PIEZO2: variants seen among roughly 807,000 people sequenced by gnomAD.
The protein encoded by PIEZO2 is piezo-type mechanosensitive ion channel component 2.
In PIEZO2, 172 loss-of-function variants were observed where a neutral mutation model predicts 337.3. The ratio of observed to expected loss-of-function variants is 0.51; its 90% CI spans 0.45 to 0.58. PIEZO2 has a LOEUF of 0.58. PIEZO2 is among the 20% of genes least tolerant of loss of function. The pLI is 0.00. For synonymous variants in PIEZO2, 1,251 were observed against 1,228.5 expected, an observed-to-expected ratio of 1.02 and a Z score of -0.38; for missense variants, 3,028 against 3,391.3, an observed-to-expected ratio of 0.89 and a Z score of 2.66.
chr18:10,975,707 G>A (rs1282597811), intron 3 of PIEZO2, among the ~76,000 whole-genome samples: 2 of 152,132 alleles, frequency 1.3e-5, no homozygotes, highest in East Asian at 1.9e-4. Flanking sequence ...AAGAGATGCC[G>A]GGACCTTTTG....
At chr18:11,145,147 G>A (rs2040775510) in intron 1 of PIEZO2, among the ~76,000 whole-genome samples, 2 of 152,152 alleles carry the variant, frequency 1.3e-5, no homozygotes, top group South Asian at 4.1e-4. Flanking sequence ...AGATGACTTA[G>A]CAACTAGTCA....
At chr18:10,951,385 AT>A (rs1415826218) in intron 3 of PIEZO2, among the ~76,000 whole-genome samples, 2 of 152,198 alleles carry the variant, frequency 1.3e-5, no homozygotes, top group African/African-American at 4.8e-5. Context: ...TCATCTCTAC[AT>A]ATTTTATTTA....
At position 11,089,923 on chromosome 18, in the gene PIEZO2, T is replaced by C. The variant is rs934458728; in HGVS notation, c.65-23701A>G. Among the ~76,000 whole-genome samples, 5 of 152,202 alleles carry C rather than the reference T, an allele frequency of 3.3e-5. No individual in the cohort carries two copies. The South Asian group carries it at 1.0e-3, about 32-fold the overall frequency. On this transcript the variant is annotated intron_variant, in intron 1 of 55. Coordinates refer to ENST00000674853, the MANE Select transcript of PIEZO2 (RefSeq NM_001378183.1). The stretch of plus-strand genomic sequence containing the variant: ...TTCGAGGCCTATGAAGAGAACCGAT[T>C]GATCTCACGAGTTTCTAATTCCTCT...
intron 10 of PIEZO2, 99 bp from the exon 11 acceptor site, chr18:10,800,574 G>T: frequency 3.8e-6 from 5 of 1,319,206 alleles, no homozygotes; most frequent in Non-Finnish European, 5.0e-6. Context: ...ACTGAACAGT[G>T]AGGAGTTGAT....
rs1056366080 is a variant in PIEZO2 at position 11,080,701 on chromosome 18, G to A, written c.65-14479C>T. On this transcript the variant is annotated intron_variant, in intron 1 of 55. Transcript: ENST00000674853. The surrounding 1 kb of genome is among the most constrained non-coding windows in gnomAD (Gnocchi z 5.4). ...TCTACTAAAAATACAAAAATTAGCC[G>A]GGTGTGGTGGCATGTGCCTGTAGTC... 6.6e-6 allele frequency among the ~76,000 whole-genome samples: 1 copy of A among 152,216 alleles called. No homozygotes were observed. The highest frequency in any genetic ancestry group is 6.5e-5 in the Admixed American group (1 of 15,296).
At chr18:10,779,152 C>T (rs1425568074) in intron 18 of PIEZO2, among the ~76,000 whole-genome samples, 1 of 152,192 alleles carries the variant, frequency 6.6e-6, no homozygotes, top group Non-Finnish European at 1.5e-5. Context: ...CCTCAGCAAT[C>T]CACAAGTGAC....
rs1200814977 is a variant in PIEZO2, at chr18:10,702,076, G to A, written c.6354C>T (p.Asn2118=). The change falls in exon 43 of 56, where the codon AAC becomes AAT. Residue 2118 remains asparagine, a synonymous_variant. Coordinates refer to ENST00000674853, the MANE Select transcript of PIEZO2 (RefSeq NM_001378183.1). The part of the protein sequence containing the change: ...VNKDKPYHPP[N]IIGVEKKEGY... ...CTTCCTTCTTTTCCACTCCTATGATGTTTGGGGGGTGATACGGTTTATCTT... is the reference window on the plus strand; with the variant it reads ...CTTCCTTCTTTTCCACTCCTATGATATTTGGGGGGTGATACGGTTTATCTT... 7.2e-6 allele frequency: 11 copies of A among 1,536,880 alleles called. No individual in the cohort carries two copies. Among genetic ancestry groups the A allele is most frequent in the Non-Finnish European group, 9.6e-6 (11 of 1,146,812 alleles).
At chr18:10,684,632 TTTTTTATA>T (rs2034465369) in intron 49 of PIEZO2, among the ~76,000 whole-genome samples, 1 of 151,808 alleles carries the variant, frequency 6.6e-6, no homozygotes, top group South Asian at 2.1e-4. Context: ...ACCCGACTAA[TTTTTTATA>T]TTTTTAGTAG....
At position 10,724,359 on chromosome 18, in the gene PIEZO2, AAAAAACAAAAAC is replaced by A. The variant is rs1222020611; in HGVS notation, c.5030-6112_5030-6101del. ...GGGTGACAGAGCAAGACCCTGTCTC[AAAAAACAAAAAC>A]GAAAACAAAAGTGCTTTCTCCTGGC... On this transcript the variant is annotated intron_variant, in intron 36 of 55. Coordinates refer to ENST00000674853, the MANE Select transcript of PIEZO2 (RefSeq NM_001378183.1). This position sits in a 1 kb window ranked among gnomAD's most constrained non-coding sequence, Gnocchi z 5.8. Among the ~76,000 whole-genome samples, 3 of 152,132 alleles carry A rather than the reference AAAAAACAAAAAC, an allele frequency of 2.0e-5. No individual in the cohort carries two copies. The highest frequency in any genetic ancestry group is 7.2e-5 in the African/African-American group (3 of 41,412).
Position 11,089,765 on chromosome 18 carries a change from C to T in PIEZO2, c.65-23543G>A, listed in dbSNP as rs370576145. Reference sequence around the variant, plus strand: ...AGGGGTCCTCAGGAGGAAAAGGAGACGCCACATCTGCAGTCTCTGAGGAGG... The same window carrying T: ...AGGGGTCCTCAGGAGGAAAAGGAGATGCCACATCTGCAGTCTCTGAGGAGG... On this transcript the variant is annotated intron_variant, in intron 1 of 55. Transcript: ENST00000674853. Among the ~76,000 whole-genome samples, 22 of 152,274 alleles carry T rather than the reference C, an allele frequency of 1.4e-4. No homozygotes were observed. The East Asian group carries it at 3.7e-3, about 25-fold the overall frequency.
intron 15 of PIEZO2, among the ~76,000 whole-genome samples, chr18:10,787,985 G>A (rs961440206): frequency 2.6e-4 from 40 of 152,102 alleles, no homozygotes; most frequent in African/African-American, 9.4e-4. Flanking sequence ...TGTACACAAA[G>A]AGCAGGCACA....
intron 3 of PIEZO2, among the ~76,000 whole-genome samples, chr18:10,977,762 G>A (rs2034500608): frequency 6.6e-6 from 1 of 152,160 alleles, no homozygotes; most frequent in Non-Finnish European, 1.5e-5. Flanking sequence ...ATTGATACAT[G>A]CTACAACATT....
chr18:11,129,065 T>C lies in PIEZO2; in HGVS notation c.64+19460A>G, dbSNP rs941645792. Among the ~76,000 whole-genome samples the C allele has an allele frequency of 7.2e-5, 11 of 152,216 alleles. No homozygotes were observed. Among genetic ancestry groups the C allele is most frequent in the Admixed American group, 4.6e-4 (7 of 15,272 alleles). ...CCACTATGAGCGAGCTGGAAATGCC[T>C]GATCTCCCTCAGTTTAATGTAGAGG... is the stretch of plus-strand genomic sequence containing the variant. On this transcript the variant is annotated intron_variant, in intron 1 of 55. Transcript: ENST00000674853. This position sits in a 1 kb window ranked among gnomAD's most constrained non-coding sequence, Gnocchi z 4.6.
Position 11,129,855 on chromosome 18 carries a change from T to C in PIEZO2, c.64+18670A>G, listed in dbSNP as rs888773774. Among the ~76,000 whole-genome samples the C allele has an allele frequency of 1.3e-5, 2 of 152,126 alleles. No individual in the cohort carries two copies. Among genetic ancestry groups the C allele is most frequent in the Non-Finnish European group, 2.9e-5 (2 of 68,012 alleles). On this transcript the variant is annotated intron_variant, in intron 1 of 55. Transcript: ENST00000674853. This position sits in a 1 kb window ranked among gnomAD's most constrained non-coding sequence, Gnocchi z 4.6. ...GTAGGGGCTTATGGAGGTCAGGTAA[T>C]TAATGGAGTTTTAGCTCAGGGCTGA...
chr18:10,994,319 G>A (rs1016591405), intron 2 of PIEZO2, among the ~76,000 whole-genome samples: 5 of 151,786 alleles, frequency 3.3e-5, no homozygotes, highest in Non-Finnish European at 4.4e-5. Context: ...TATCTTTCTC[G>A]TACAATGACT....
At position 10,752,988 on chromosome 18, in the gene PIEZO2, C is replaced by T. The variant is rs529198596; in HGVS notation, c.3924-109G>A. 8.2e-5 allele frequency: 107 copies of T among 1,305,292 alleles called. No homozygotes were observed. The African/African-American group carries it at 1.5e-3, about 19-fold the overall frequency. The allele number at this position is 1,305,292 out of a possible 1,614,324, so 80.9% of individuals were successfully genotyped here. A position where few individuals can be genotyped will look rare whatever the true frequency, so the allele number is the denominator to read the frequency against. ...AATTCATGCTCTCTGCTGCACCTTG[C>T]AAATCAGACTGTGAGCTTTCATTTA... On this transcript the variant is annotated intron_variant, in intron 27 of 55. Coordinates refer to ENST00000674853, the MANE Select transcript of PIEZO2 (RefSeq NM_001378183.1).
chr18:10,742,801 T>TGC (rs148838040), intron 31 of PIEZO2, among the ~76,000 whole-genome samples, 186 bp from the exon 32 acceptor site: 2,481 of 146,498 alleles, frequency 0.017, 70 homozygotes, highest in African/African-American at 0.06. Flanking sequence ...TACATATTTG[T>TGC]GTGTGTGTGT....
At position 10,724,990 on chromosome 18, in the gene PIEZO2, A is replaced by C. The variant is rs1206450089; in HGVS notation, c.5029+6417T>G. ...AGCCTCCCTGCCTCACATTACTAAGACTCAAAGCGATGCAGGCCATAGTGC... is the reference window on the plus strand; with the variant it reads ...AGCCTCCCTGCCTCACATTACTAAGCCTCAAAGCGATGCAGGCCATAGTGC... On this transcript the variant is annotated intron_variant, in intron 36 of 55. Transcript: ENST00000674853. This position sits in a 1 kb window ranked among gnomAD's most constrained non-coding sequence, Gnocchi z 5.8. The C allele has an allele frequency of 6.3e-7, 1 of 1,587,688 alleles. No homozygotes were observed. The highest frequency in any genetic ancestry group is 1.3e-5 in the African/African-American group (1 of 74,340).
intron 1 of PIEZO2, among the ~76,000 whole-genome samples, chr18:11,120,193 T>G (rs2039992006): frequency 6.6e-6 from 1 of 152,234 alleles, no homozygotes; most frequent in African/African-American, 2.4e-5. Flanking sequence ...ACTTGGTTAA[T>G]AAATCACCCA....
Sources: allele counts gnomAD v4.1 joint callset (sites outside exome capture counted in the v4.1 genomes callset), GRCh38; gene constraint gnomAD v4.1.1; non-coding constraint Gnocchi (gnomAD v3.1); transcripts MANE v1.5; gene names NCBI Gene and HGNC (gene_info 2026-07-23, HGNC 2026-07-21).